Variants in ITGA2B observed in about 807,000 individuals in gnomAD.
The protein encoded by ITGA2B is integrin subunit alpha 2b, also known as integrin alpha-IIb.
ITGA2B carries 91 observed loss-of-function variants against 142.0 expected under a neutral mutation model. The ratio of observed to expected loss-of-function variants is 0.64; its 90% confidence interval spans 0.54 to 0.76. ITGA2B has a LOEUF of 0.76. Among genes scored for constraint, ITGA2B ranks in the 30% least tolerant of loss-of-function variants. The pLI is 0.00. For synonymous variants in ITGA2B, 536 were observed against 567.2 expected, an observed-to-expected ratio of 0.94 and a Z score of 0.78; for missense variants, 1,231 against 1,350.8, an observed-to-expected ratio of 0.91 and a Z score of 1.39.
Position 44,372,325 on chromosome 17 carries a change from A to C in ITGA2B, c.*39T>G. 1 of 1,603,764 alleles carries C rather than the reference A, an allele frequency of 6.2e-7. No homozygotes were observed. Among genetic ancestry groups the C allele is most frequent in the South Asian group, 1.1e-5 (1 of 90,822 alleles). Reference sequence around the variant, plus strand: ...TTGGAGAAGGGGCGGTGCAGGTAGCACGCCCAACCCTCCTGCTAGAATAGT... The same window carrying C: ...TTGGAGAAGGGGCGGTGCAGGTAGCCCGCCCAACCCTCCTGCTAGAATAGT... On this transcript the variant is annotated 3_prime_UTR_variant, in exon 30 of 30. Coordinates refer to ENST00000262407, the MANE Select transcript of ITGA2B (RefSeq NM_000419.5).
intron 12 of ITGA2B, among the ~76,000 whole-genome samples, chr17:44,382,868 G>T (rs904464536): frequency 6.6e-6 from 1 of 151,996 alleles, no homozygotes; most frequent in Non-Finnish European, 1.5e-5. Context: ...CTCCTTCTCA[G>T]ACTTACCTCC....
In ITGA2B at chr17:44,380,996, G is replaced by A; in HGVS notation, c.1276C>T (p.Gln426Ter). 1 of 1,613,546 alleles carries A rather than the reference G, an allele frequency of 6.2e-7. No homozygotes were observed. Among genetic ancestry groups the A allele is most frequent in the African/African-American group, 1.3e-5 (1 of 75,066 alleles). ...GRGQVLVFLG[Q>*]SEGLRSRPSQ... is the part of the protein sequence containing the mutation. ...GGACGTGACCTCAGCCCCTCACTCT[G>A]ACCCAGGAACACCAGCACTTGGCCC... Residue 426 changes from glutamine (Q) to a stop codon, truncating the protein, a stop_gained, in exon 13 of 30, where the codon CAG (glutamine) becomes TAG (stop). Transcript: ENST00000262407. LOFTEE classifies it high-confidence loss of function.
intron 12 of ITGA2B, among the ~76,000 whole-genome samples, chr17:44,381,431 G>C (rs1295755855): frequency 6.6e-6 from 1 of 151,890 alleles, no homozygotes; most frequent in Non-Finnish European, 1.5e-5. Flanking sequence ...CCCCGTTAAA[G>C]TGATTCTTGT....
intron 1 of ITGA2B, 112 bp from the exon 2 acceptor site, chr17:44,386,243 T>A: frequency 6.7e-7 from 1 of 1,485,174 alleles, no homozygotes; most frequent in Non-Finnish European, 9.1e-7. Flanking sequence ...CACTGGACCA[T>A]CTTTCCTCAA....
At chr17:44,383,754 G>T in intron 11 of ITGA2B, 50 bp from the exon 12 acceptor site, 1 of 1,551,714 alleles carries the variant, frequency 6.4e-7, no homozygotes, top group East Asian at 2.4e-5. Flanking sequence ...GGTATATTGG[G>T]GCTAGGGCCA....
intron 20 of ITGA2B, 36 bp from the exon 21 acceptor site, chr17:44,377,826 G>A (rs2048558622): frequency 8.2e-7 from 1 of 1,219,856 alleles, no homozygotes. Flanking sequence ...AAATTACAGA[G>A]CATCATATAT....
intron 1 of ITGA2B, 134 bp downstream of exon 1, chr17:44,389,152 G>T: frequency 9.8e-7 from 1 of 1,024,222 alleles, no homozygotes; most frequent in African/African-American, 1.6e-5. Context: ...TTCTTGACAA[G>T]AAATCAACCT....
chr17:44,383,744 G>A (rs2048617838), intron 11 of ITGA2B, 40 bp from the exon 12 acceptor site: 3 of 1,553,564 alleles, frequency 1.9e-6, no homozygotes, highest in Middle Eastern at 3.7e-4. Flanking sequence ...CTGGACCAGG[G>A]GTATATTGGG....
At position 44,374,729 on chromosome 17, in the gene ITGA2B, T is replaced by A. The variant is rs776469506; in HGVS notation, c.2873A>T (p.His958Leu). The change falls in exon 28 of 30, where the codon CAC (histidine) becomes CTC (leucine). Residue 958 changes from histidine to leucine, a missense_variant. His to Leu is a moderately conservative substitution (Grantham distance 99). This residue lies in a region of ITGA2B where 908 missense variants were observed against 1,021.1 expected (regional missense o/e 0.89). Transcript: ENST00000262407. ...GAGGGAGGACACGTTGAACCATGCG[T>A]GCGACTGCAGCACAAACTGATCCAG... ...RPLDQFVLQS[H>L]AWFNVSSLPY... 1 of 1,614,010 alleles carries A rather than the reference T, an allele frequency of 6.2e-7. No individual in the cohort carries two copies. The highest frequency in any genetic ancestry group is 8.5e-7 in the Non-Finnish European group (1 of 1,179,984).
rs777946071 is a variant in ITGA2B at position 44,384,157 on chromosome 17, C to T, written c.892-19G>A. The T allele has an allele frequency of 2.5e-6, 4 of 1,612,070 alleles. No individual in the cohort carries two copies. The East Asian group carries it at 6.7e-5, about 27-fold the overall frequency. ...TTTCCACCTGCACGGACAGCGCAGG[C>T]GAGAGCATCATTCTTGTACCCAAAG... On this transcript the variant is annotated intron_variant, in intron 9 of 29. Transcript: ENST00000262407.
chr17:44,378,984 C>T (rs1032682546), intron 18 of ITGA2B, among the ~76,000 whole-genome samples: 2 of 152,116 alleles, frequency 1.3e-5, no homozygotes, highest in African/African-American at 2.4e-5. Context: ...CTCGCTCTGT[C>T]GTCCAGGCTG....
In ITGA2B at chr17:44,383,612, T is replaced by G. The variant is rs1445706868; in HGVS notation, c.1091A>C (p.Gln364Pro). 6.2e-7 allele frequency: 1 copy of G among 1,608,678 alleles called. No individual in the cohort carries two copies. Among genetic ancestry groups the G allele is most frequent in the Admixed American group, 1.7e-5 (1 of 59,300 alleles). Residue 364 changes from glutamine to proline, a missense_variant, in exon 12 of 30, where the codon CAG becomes CCG. Transcript: ENST00000262407. ...ACCCAGCGCGTGGGGGCCTCGCGGC[T>G]GCAGGAACAAATACACACGCCCCAC... ...AEVGRVYLFL[Q>P]PRGPHALGAP...
At chr17:44,384,675 C>T in intron 7 of ITGA2B, 90 bp from the exon 8 acceptor site, 1 of 1,465,374 alleles carries the variant, frequency 6.8e-7, no homozygotes, top group Non-Finnish European at 9.6e-7. Flanking sequence ...GGCCACTCAG[C>T]CCCAGCCCTG....
intron 1 of ITGA2B, among the ~76,000 whole-genome samples, chr17:44,387,929 T>C (rs945135918): frequency 6.7e-6 from 1 of 149,750 alleles, no homozygotes; most frequent in African/African-American, 2.5e-5. Flanking sequence ...CCCCCACACC[T>C]GCCTCCACTC....
Position 44,383,609 on chromosome 17 carries a change from G to A in ITGA2B, c.1094C>T (p.Pro365Leu), listed in dbSNP as rs553981786. 5.5e-5 allele frequency: 88 copies of A among 1,608,850 alleles called. No homozygotes were observed. The South Asian group carries it at 6.8e-4, about 12-fold the overall frequency. Residue 365 changes from proline to leucine, a missense_variant, in exon 12 of 30, where the codon CCG becomes CTG. Physicochemically the swap from Pro to Leu is moderately conservative, Grantham distance 98. Around this residue, in one of 3 missense-constraint regions of ITGA2B, gnomAD observed 908 missense variants for 1,021.1 expected, o/e 0.89. Transcript: ENST00000262407. ...GGCACCCAGCGCGTGGGGGCCTCGCGGCTGCAGGAACAAATACACACGCCC... is the reference window on the plus strand; with the variant it reads ...GGCACCCAGCGCGTGGGGGCCTCGCAGCTGCAGGAACAAATACACACGCCC... ...EVGRVYLFLQ[P>L]RGPHALGAPS... is the part of the protein sequence containing the mutation.
At chr17:44,375,565 G>C in intron 26 of ITGA2B, 26 bp downstream of exon 26, 1 of 1,612,058 alleles carries the variant, frequency 6.2e-7, no homozygotes, top group African/African-American at 1.3e-5. Flanking sequence ...GGGGAGGCCG[G>C]GCCAGAGACC....
rs374533372 is a variant in ITGA2B at position 44,389,013 on chromosome 17, A to G, written c.188+273T>C. On this transcript the variant is annotated intron_variant, in intron 1 of 29. Transcript: ENST00000262407. ...GAGGGTGGAGTGGTTCATACAACTG[A>G]CCCTTGGGGAAAAAATAAAGCATCA... Among the ~76,000 whole-genome samples the G allele has an allele frequency of 5.3e-5, 8 of 151,666 alleles. No homozygotes were observed. In the East Asian group the frequency reaches 1.6e-3, roughly 30 times the overall value.
chr17:44,381,118 T>G, intron 12 of ITGA2B, 57 bp from the exon 13 acceptor site: 1 of 1,546,454 alleles, frequency 6.5e-7, no homozygotes. Flanking sequence ...CCTAGATGAC[T>G]GTAAAACTTT....
At position 44,385,251 on chromosome 17, in the gene ITGA2B, G is replaced by C. The variant is rs1197722359; in HGVS notation, c.624+35C>G. The C allele has an allele frequency of 4.3e-6, 7 of 1,613,844 alleles. No homozygotes were observed. The East Asian group carries it at 1.3e-4, about 31-fold the overall frequency. ...GAGGGTGAGAGGGGGCCCTGTTTGG[G>C]AGCCGCCCCCACTGCGCTTTTGCTC... is the stretch of plus-strand genomic sequence containing the variant. On this transcript the variant is annotated intron_variant, in intron 5 of 29. Coordinates refer to ENST00000262407, the MANE Select transcript of ITGA2B (RefSeq NM_000419.5).
Sources: allele counts gnomAD v4.1 joint callset (sites outside exome capture counted in the v4.1 genomes callset), GRCh38; gene constraint gnomAD v4.1.1; regional missense constraint gnomAD v4.1.1; transcripts MANE v1.5; gene names NCBI Gene and HGNC (gene_info 2026-07-23, HGNC 2026-07-21).